The following RFC3 variants were observed in gnomAD, a reference collection of about 807,000 sequenced individuals.
RFC3 encodes the protein A1 38 kDa subunit.
A neutral mutation model predicts 45.1 loss-of-function variants in RFC3; 41 were observed. That is an observed-to-expected ratio of 0.91 (90% CI 0.71 to 1.18). The LOEUF is 1.18. Ranked by LOEUF, RFC3 falls within the 50% of genes most tolerant of loss-of-function variation. RFC3 has a pLI of 0.00. For missense variants in RFC3, 423 were observed against 428.1 expected (o/e 0.99, Z 0.10); for synonymous variants, 149 against 144.0 (o/e 1.03, Z -0.25).
chr13:33,893,595 C>T (rs533150103), intron 8 of RFC3, among the ~76,000 whole-genome samples: 18 of 152,056 alleles, frequency 1.2e-4, no homozygotes, highest in African/African-American at 2.9e-4. Flanking sequence ...TTCAAAATAG[C>T]AGTTGTAAGG....
At chr13:33,953,153 A>G (rs935347942) in intron 8 of RFC3, among the ~76,000 whole-genome samples, 2 of 152,152 alleles carry the variant, frequency 1.3e-5, no homozygotes, top group African/African-American at 2.4e-5. Flanking sequence ...TACAATTCCT[A>G]TATGACTGTT....
intron 8 of RFC3, among the ~76,000 whole-genome samples, chr13:33,942,756 A>AT (rs900589072): frequency 9.5e-4 from 142 of 149,832 alleles, no homozygotes; most frequent in African/African-American, 1.9e-3. Context: ...TTAACATCTT[A>AT]TTTTTTTTTT....
In RFC3 at chr13:33,818,167, A is replaced by G. The variant is rs934727133; in HGVS notation, c.-12A>G. ...GATTTTCAAGCGTAGGCCCCCGGGA[A>G]CTCGAGCTGCCATGAGCCTCTGGGT... On this transcript the variant is annotated 5_prime_UTR_variant, in exon 1 of 9. Coordinates refer to ENST00000380071, the MANE Select transcript of RFC3 (RefSeq NM_002915.4). The G allele has an allele frequency of 1.9e-6, 3 of 1,609,548 alleles. No individual in the cohort carries two copies. Among genetic ancestry groups the G allele is most frequent in the Non-Finnish European group, 2.5e-6 (3 of 1,177,720 alleles).
At chr13:33,925,594 A>ATATACATACATATATAGTGTACTG (rs2082805443) in intron 8 of RFC3, among the ~76,000 whole-genome samples, 1 of 150,544 alleles carries the variant, frequency 6.6e-6, no homozygotes, top group East Asian at 2.0e-4. Flanking sequence ...ATAGTGTACT[A>ATATACATACATATATAGTGTACTG]TATACATACA....
chr13:33,888,204 C>G (rs2082539197), intron 8 of RFC3, among the ~76,000 whole-genome samples: 1 of 152,148 alleles, frequency 6.6e-6, no homozygotes, highest in Non-Finnish European at 1.5e-5. Context: ...AGCATCATAA[C>G]TGATATACAA....
chr13:33,834,018 T>C (rs1225326752), intron 7 of RFC3, among the ~76,000 whole-genome samples: 1 of 152,164 alleles, frequency 6.6e-6, no homozygotes, highest in Non-Finnish European at 1.5e-5. Context: ...CATGCTTTGC[T>C]GTGGTCAGTT....
chr13:33,954,895 G>A (rs2083012671), intron 8 of RFC3, among the ~76,000 whole-genome samples: 1 of 152,166 alleles, frequency 6.6e-6, no homozygotes, highest in Admixed American at 6.5e-5. Flanking sequence ...TCAGTCCACA[G>A]CAAAGCCCAT....
At chr13:33,927,706 C>T (rs933440046) in intron 8 of RFC3, among the ~76,000 whole-genome samples, 10 of 152,094 alleles carry the variant, frequency 6.6e-5, no homozygotes, top group African/African-American at 2.4e-4. Context: ...TGACAACTTT[C>T]ACAGCTGCAA....
chr13:33,950,388 G>A (rs916975055), intron 8 of RFC3, among the ~76,000 whole-genome samples: 41 of 151,994 alleles, frequency 2.7e-4, no homozygotes, highest in African/African-American at 9.4e-4. Flanking sequence ...TAAAAATATC[G>A]ATATAATGAA....
intron 4 of RFC3, among the ~76,000 whole-genome samples, chr13:33,826,999 T>C (rs2082055673): frequency 1.3e-5 from 2 of 152,246 alleles, no homozygotes; most frequent in African/African-American, 2.4e-5. Flanking sequence ...CTCAAGTTCC[T>C]ATTTTATTGA....
chr13:33,888,221 T>C (rs1392874295), intron 8 of RFC3, among the ~76,000 whole-genome samples: 1 of 152,206 alleles, frequency 6.6e-6, no homozygotes. Flanking sequence ...ACAAAGAGTT[T>C]CTTCCACTGG....
At chr13:33,865,109 AAGG>A (rs1426763500) in intron 8 of RFC3, among the ~76,000 whole-genome samples, 6 of 152,170 alleles carry the variant, frequency 3.9e-5, no homozygotes, top group Non-Finnish European at 5.9e-5. Flanking sequence ...AGAAACATAG[AAGG>A]AGGATTTCTA....
rs75741397 is a variant in RFC3, at chr13:33,820,573, C to T, written c.88-559C>T. Among the ~76,000 whole-genome samples, 714 of 152,280 alleles carry T rather than the reference C, an allele frequency of 4.7e-3. 4 individuals are homozygous for T. The highest frequency in any genetic ancestry group is 0.016 in the African/African-American group (670 of 41,554). On this transcript the variant is annotated intron_variant, in intron 1 of 8. Transcript: ENST00000380071. ...ACTCTTACTGGCTGCCTTCCTTTCC[C>T]TGTTTCGCATCCCCACTCTCCTATG... is the stretch of plus-strand genomic sequence containing the variant.
At chr13:33,909,625 G>A (rs1176625355) in intron 8 of RFC3, among the ~76,000 whole-genome samples, 1 of 151,528 alleles carries the variant, frequency 6.6e-6, no homozygotes, top group South Asian at 2.1e-4. Flanking sequence ...CTATTTTCTA[G>A]TGTGGGATAA....
chr13:33,944,211 T>G (rs940281965), intron 8 of RFC3, among the ~76,000 whole-genome samples: 2 of 152,234 alleles, frequency 1.3e-5, no homozygotes, highest in Non-Finnish European at 2.9e-5. Context: ...ACTACCCTTC[T>G]ACTTTCTGTG....
rs974579790 is a variant in RFC3 at position 33,906,499 on chromosome 13, G to A, written c.880-59588G>A. On this transcript the variant is annotated intron_variant, in intron 8 of 8. Coordinates refer to the RFC3 transcript ENST00000434425. ...TCTGATCATCACTTTCCATGAAGAC[G>A]CAAGTCTCAAATTATTATTTTAATA... Among the ~76,000 whole-genome samples the A allele has an allele frequency of 2.9e-5, 4 of 139,218 alleles. No individual in the cohort carries two copies. The East Asian group carries it at 8.8e-4, about 31-fold the overall frequency. 91.3% of individuals were successfully genotyped at this position (139,218 alleles called of 152,430 possible). A position where few individuals can be genotyped will look rare whatever the true frequency, so the allele number is the denominator to read the frequency against.
intron 8 of RFC3, among the ~76,000 whole-genome samples, chr13:33,948,890 C>T (rs992800326): frequency 5.3e-5 from 8 of 152,132 alleles, no homozygotes; most frequent in Non-Finnish European, 8.8e-5. Flanking sequence ...AATTAACTTG[C>T]TTGTGATTTT....
At chr13:33,922,136 C>CCT (rs1224648254) in intron 8 of RFC3, among the ~76,000 whole-genome samples, 20 of 149,522 alleles carry the variant, frequency 1.3e-4, no homozygotes, top group Admixed American at 1.3e-3. Context: ...TCTTTAGAAG[C>CCT]CTCAGCTTCA....
At chr13:33,904,978 C>G (rs1337545279) in intron 8 of RFC3, among the ~76,000 whole-genome samples, 1 of 152,062 alleles carries the variant, frequency 6.6e-6, no homozygotes, top group African/African-American at 2.4e-5. Context: ...ATGATAAATA[C>G]AAAATTGAAG....
Sources: allele counts gnomAD v4.1 joint callset (sites outside exome capture counted in the v4.1 genomes callset), GRCh38; gene constraint gnomAD v4.1.1; transcripts MANE v1.5; gene names NCBI Gene and HGNC (gene_info 2026-07-23, HGNC 2026-07-21).